Variants in PCDHA2 observed in about 807,000 individuals in gnomAD.
PCDHA2 encodes protocadherin alpha 2.
In PCDHA2, 58 loss-of-function variants were observed where a neutral mutation model predicts 66.0. That is an observed-to-expected ratio of 0.88 (90% CI 0.71 to 1.09). The LOEUF is 1.09. PCDHA2 is among the 50% of genes least tolerant of loss of function. The pLI, the probability that PCDHA2 is intolerant of heterozygous loss-of-function variation, is 0.00. For missense variants in PCDHA2, 1,267 were observed against 1,242.3 expected (o/e 1.02, Z -0.30); for synonymous variants, 634 against 554.0 (o/e 1.14, Z -2.03).
At position 140,903,272 on chromosome 5, in the gene PCDHA2, G is replaced by A. The variant is rs907509606; in HGVS notation, c.2389-75677G>A. Among the ~76,000 whole-genome samples the A allele has an allele frequency of 2.6e-5, 4 of 152,138 alleles. No individual in the cohort carries two copies. The East Asian group carries it at 5.8e-4, about 22-fold the overall frequency. ...TAGTAATTCTTGCAGGAGTGAGGTA[G>A]TGTCTCATTGTGCATTAGGAAATTT... On this transcript the variant is annotated intron_variant, in intron 1 of 3. Transcript: ENST00000526136.
chr5:140,808,697 C>T (rs1472527359), intron 1 of PCDHA2: 1 of 1,612,106 alleles, frequency 6.2e-7, no homozygotes, highest in Non-Finnish European at 8.5e-7. Flanking sequence ...GGAGCGCGCG[C>T]TGTCGAGCTA....
At chr5:140,985,981 C>T (rs966841419) in intron 3 of PCDHA2, among the ~76,000 whole-genome samples, 18 of 152,140 alleles carry the variant, frequency 1.2e-4, no homozygotes, top group Middle Eastern at 6.8e-3. Context: ...CCTCGTGATC[C>T]GCCCACCTCA....
chr5:140,872,164 TC>T (rs1346109895), intron 1 of PCDHA2, among the ~76,000 whole-genome samples: 1 of 151,498 alleles, frequency 6.6e-6, no homozygotes, highest in Non-Finnish European at 1.5e-5. Context: ...GATTTACTTT[TC>T]TTTTTTTTTT....
intron 3 of PCDHA2, among the ~76,000 whole-genome samples, chr5:140,996,041 C>T (rs2097709262): frequency 6.6e-6 from 1 of 152,224 alleles, no homozygotes; most frequent in African/African-American, 2.4e-5. Context: ...TAGCACTTAA[C>T]ACAGTGCTTG....
intron 1 of PCDHA2, chr5:140,930,452 G>A (rs2086853363): frequency 6.6e-6 from 1 of 151,826 alleles, no homozygotes; most frequent in Non-Finnish European, 1.5e-5. Flanking sequence ...CAAACTCCTA[G>A]CCTCAAGTGA....
At chr5:140,852,737 C>CGG in intron 1 of PCDHA2, 1 of 983,808 alleles carries the variant, frequency 1.0e-6, no homozygotes, top group Non-Finnish European at 1.2e-6. Context: ...GTTTCATGTG[C>CGG]CATTTAAACT....
chr5:140,877,704 C>G, intron 1 of PCDHA2: 2 of 1,613,952 alleles, frequency 1.2e-6, no homozygotes, highest in South Asian at 1.1e-5. Context: ...GCTCCAGCGC[C>G]GTGGGGAGTT....
chr5:140,800,880 A>G (rs1456121681), intron 1 of PCDHA2: 2 of 295,432 alleles, frequency 6.8e-6, no homozygotes, highest in Non-Finnish European at 1.2e-5. Context: ...TAGATAAAAT[A>G]TAAGGACTTT....
chr5:140,842,582 T>A, intron 1 of PCDHA2: 1 of 1,520,542 alleles, frequency 6.6e-7, no homozygotes, highest in Non-Finnish European at 8.9e-7. Context: ...AGTGTCGGCC[T>A]ATGAGTTGGT....
At chr5:140,877,655 C>T (rs868936879) in intron 1 of PCDHA2, 4 of 1,613,562 alleles carry the variant, frequency 2.5e-6, no homozygotes, top group South Asian at 2.2e-5. Context: ...GCGCCGCCCA[C>T]CGTGAGCCGG....
chr5:140,917,314 G>A (rs1554197960), intron 1 of PCDHA2, among the ~76,000 whole-genome samples: 1 of 142,492 alleles, frequency 7.0e-6, no homozygotes, highest in African/African-American at 2.6e-5. Context: ...ACAATTTGGT[G>A]TTCATGTGGC....
chr5:140,808,762 C>T (rs150405058), intron 1 of PCDHA2: 8 of 1,612,224 alleles, frequency 5.0e-6, no homozygotes, highest in African/African-American at 1.3e-5. Flanking sequence ...CGCTGGACCA[C>T]GAGGAGCTAG....
intron 3 of PCDHA2, among the ~76,000 whole-genome samples, chr5:141,004,385 G>C (rs1388217607): frequency 6.6e-6 from 1 of 152,192 alleles, no homozygotes; most frequent in Non-Finnish European, 1.5e-5. Flanking sequence ...TGCGGAAGCT[G>C]GACATGTGGA....
chr5:140,967,794 T>G, intron 1 of PCDHA2: 1 of 1,614,178 alleles, frequency 6.2e-7, no homozygotes. Flanking sequence ...CGGGGTCCAG[T>G]GCCCATGGCA....
At chr5:141,004,303 T>C (rs2098161196) in intron 3 of PCDHA2, among the ~76,000 whole-genome samples, 2 of 152,178 alleles carry the variant, frequency 1.3e-5, no homozygotes, top group South Asian at 4.1e-4. Context: ...GATGTTTGTT[T>C]TATACAACAA....
chr5:140,865,528 T>C (rs2048902393), intron 1 of PCDHA2: 1 of 152,220 alleles, frequency 6.6e-6, no homozygotes, highest in Non-Finnish European at 1.5e-5. Context: ...GGAATTCTCT[T>C]CATCCATAGC....
chr5:140,838,779 A>G (rs1039097840), intron 1 of PCDHA2, among the ~76,000 whole-genome samples: 2 of 152,056 alleles, frequency 1.3e-5, no homozygotes, highest in Admixed American at 6.5e-5. Flanking sequence ...AAAATTAGCT[A>G]TGCATGGTGA....
At chr5:140,881,574 A>C (rs565640252) in intron 1 of PCDHA2, among the ~76,000 whole-genome samples, 22 of 152,364 alleles carry the variant, frequency 1.4e-4, no homozygotes, top group Middle Eastern at 6.8e-3. Context: ...CTACATCTCA[A>C]GTCACATTGA....
intron 1 of PCDHA2, among the ~76,000 whole-genome samples, chr5:140,944,406 C>G (rs1003379783): frequency 6.6e-6 from 1 of 152,084 alleles, no homozygotes; most frequent in African/African-American, 2.4e-5. Flanking sequence ...AGGCTGGTCT[C>G]GAACTCCTGA....
Sources: gnomAD v4.1 joint callset for allele counts (sites outside exome capture counted in the v4.1 genomes callset) on GRCh38, gnomAD v4.1.1 for gene constraint, MANE v1.5 for transcripts, NCBI Gene and HGNC (gene_info 2026-07-23, HGNC 2026-07-21) for gene names.